Variants in CTBP2 observed in about 807,000 individuals in gnomAD.
CTBP2 encodes the protein C-terminal binding protein 2.
In CTBP2, 30 loss-of-function variants were observed where a neutral mutation model predicts 80.3. The observed-to-expected ratio is 0.37, with a 90% confidence interval of 0.28 to 0.51. CTBP2 has a LOEUF of 0.51. Among genes scored for constraint, CTBP2 ranks in the 20% least tolerant of loss-of-function variants. The probability of loss-of-function intolerance (pLI) is 0.93; values close to 1 mark genes in which losing one functional copy is unlikely to be tolerated. For missense variants in CTBP2, 1,212 were observed against 1,375.3 expected (o/e 0.88, Z 1.88); for synonymous variants, 594 against 587.4 (o/e 1.01, Z -0.16).
intron 1 of CTBP2, among the ~76,000 whole-genome samples, chr10:125,142,502 T>C (rs1473315199): frequency 6.6e-6 from 1 of 152,106 alleles, no homozygotes; most frequent in East Asian, 1.9e-4. Flanking sequence ...AGGAACTCCA[T>C]AGGAGCACAG....
chr10:125,069,104 G>C (rs1304428690), intron 2 of CTBP2, among the ~76,000 whole-genome samples: 1 of 152,112 alleles, frequency 6.6e-6, no homozygotes. Context: ...CCTCTTCCAG[G>C]GGCCTTTCTC....
At chr10:125,134,137 A>C (rs577706867) in intron 1 of CTBP2, among the ~76,000 whole-genome samples, 1 of 152,354 alleles carries the variant, frequency 6.6e-6, no homozygotes, top group East Asian at 1.9e-4. Context: ...CTGTTCTGAA[A>C]ATGCAAATAT....
At chr10:125,084,333 GA>G (rs1847650027) in intron 2 of CTBP2, among the ~76,000 whole-genome samples, 1 of 152,206 alleles carries the variant, frequency 6.6e-6, no homozygotes, top group South Asian at 2.1e-4. Flanking sequence ...GCTGCACGGA[GA>G]ACGGTCCAGT....
At position 124,992,832 on chromosome 10, in the gene CTBP2, A is replaced by T; in HGVS notation, c.2660-20T>A. ...TGCGACCTAGGGTAAGATGATTAAA[A>T]TTAATCATATTATTTTTACAAATCA... On this transcript the variant is annotated intron_variant, in intron 7 of 8. Transcript: ENST00000309035. 1 of 1,530,220 alleles carries T rather than the reference A, an allele frequency of 6.5e-7. No individual in the cohort carries two copies. Among genetic ancestry groups the T allele is most frequent in the Non-Finnish European group, 9.0e-7 (1 of 1,110,084 alleles). 94.8% of individuals were successfully genotyped at this position (1,530,220 alleles called of 1,614,324 possible).
At chr10:125,094,727 C>G (rs768360250) in intron 2 of CTBP2, among the ~76,000 whole-genome samples, 19 of 152,010 alleles carry the variant, frequency 1.2e-4, no homozygotes, top group African/African-American at 2.9e-4. Flanking sequence ...GACAGCCCCC[C>G]ACAATGAAGA....
intron 1 of CTBP2, among the ~76,000 whole-genome samples, chr10:125,123,307 G>T (rs1173285069): frequency 6.6e-6 from 1 of 152,146 alleles, no homozygotes; most frequent in Admixed American, 6.5e-5. Context: ...ATGAGTGCAT[G>T]TTACACTAGG....
At chr10:125,123,765 A>C (rs887317012) in intron 1 of CTBP2, among the ~76,000 whole-genome samples, 29 of 152,232 alleles carry the variant, frequency 1.9e-4, no homozygotes, top group Admixed American at 1.4e-3. Flanking sequence ...TGGAGCTGGC[A>C]GAGATGCTCG....
chr10:125,152,520 C>A (rs1467401012), intron 1 of CTBP2, among the ~76,000 whole-genome samples: 1 of 152,232 alleles, frequency 6.6e-6, no homozygotes, highest in African/African-American at 2.4e-5. Context: ...GGAGGCAATT[C>A]AATATTTCTT....
At chr10:125,070,967 A>G (rs1295058443) in intron 2 of CTBP2, among the ~76,000 whole-genome samples, 1 of 152,236 alleles carries the variant, frequency 6.6e-6, no homozygotes, top group African/African-American at 2.4e-5. Context: ...TAACCAAAGA[A>G]AAAAAGAAAA....
chr10:125,012,595 T>A (rs2134423986), intron 1 of CTBP2, among the ~76,000 whole-genome samples: 1 of 152,328 alleles, frequency 6.6e-6, no homozygotes, highest in East Asian at 1.9e-4. Context: ...CCTCCAAGCC[T>A]CTGTGGAAGA....
intron 3 of CTBP2, among the ~76,000 whole-genome samples, chr10:125,038,449 G>A (rs1364948003): frequency 6.6e-6 from 1 of 152,182 alleles, no homozygotes; most frequent in Non-Finnish European, 1.5e-5. Context: ...AGAGCGCAGT[G>A]CTTAATCAAC....
chr10:125,095,016 G>A (rs1190104829), intron 2 of CTBP2, among the ~76,000 whole-genome samples: 1 of 152,070 alleles, frequency 6.6e-6, no homozygotes, highest in Non-Finnish European at 1.5e-5. Flanking sequence ...GCTGGGTGGC[G>A]CTGTCCTGCG....
rs142500031 is a variant in CTBP2 at position 125,153,753 on chromosome 10, G to A, written c.-206+6566C>T. Among the ~76,000 whole-genome samples the A allele has an allele frequency of 1.5e-3, 223 of 152,366 alleles. 1 individual carries two copies. The highest frequency in any genetic ancestry group is 5.2e-3 in the African/African-American group (216 of 41,594). On this transcript the variant is annotated intron_variant, in intron 1 of 10. Transcript: ENST00000337195. Reference sequence around the variant, plus strand: ...AAAAGAAAAGCCCCATTAGGCCAGAGGAGTTGATCTCCCTCCACGGTCTAG... The same window carrying A: ...AAAAGAAAAGCCCCATTAGGCCAGAAGAGTTGATCTCCCTCCACGGTCTAG...
At chr10:125,088,032 A>C (rs1848250985) in intron 2 of CTBP2, among the ~76,000 whole-genome samples, 1 of 152,160 alleles carries the variant, frequency 6.6e-6, no homozygotes, top group African/African-American at 2.4e-5. Context: ...CAAATGGTCA[A>C]GGCACAGCTC....
intron 1 of CTBP2, among the ~76,000 whole-genome samples, chr10:125,012,475 C>T (rs1463616653): frequency 1.3e-5 from 2 of 152,178 alleles, no homozygotes; most frequent in Admixed American, 6.5e-5. Context: ...TGGAATCTTC[C>T]AGGAGGACTG....
At position 125,090,228 on chromosome 10, in the gene CTBP2, C is replaced by T. The variant is rs1417167979; in HGVS notation, c.-102+20762G>A. Among the ~76,000 whole-genome samples the T allele has an allele frequency of 2.9e-5, 4 of 138,256 alleles. No homozygotes were observed. In the East Asian group the frequency reaches 6.2e-4, roughly 21 times the overall value. The allele number at this position is 138,256 out of a possible 152,430, so 90.7% of individuals were successfully genotyped here. On this transcript the variant is annotated intron_variant, in intron 2 of 10. Coordinates refer to the CTBP2 transcript ENST00000337195. The stretch of plus-strand genomic sequence containing the variant: ...CCAGTACTTTAATAGGAAGAGGCTG[C>T]GGTGAGCCGAGATCATGCCACTGTA...
intron 2 of CTBP2, among the ~76,000 whole-genome samples, chr10:125,043,207 C>G (rs1960336407): frequency 6.6e-6 from 1 of 152,198 alleles, no homozygotes; most frequent in African/African-American, 2.4e-5. Context: ...TTTACAAACC[C>G]TTGCTTGGCT....
upstream of CTBP2, among the ~76,000 whole-genome samples, chr10:125,028,786 G>A (rs866393374): frequency 6.6e-6 from 1 of 152,194 alleles, no homozygotes. Context: ...CTTCCTTTAG[G>A]TATGTCAGGA....
At chr10:125,033,747 T>C (rs1312855113) in intron 3 of CTBP2, among the ~76,000 whole-genome samples, 1 of 151,346 alleles carries the variant, frequency 6.6e-6, no homozygotes, top group Non-Finnish European at 1.5e-5. Context: ...GGCCTGAAAC[T>C]AGAGATGCTC....
Sources: allele counts gnomAD v4.1 joint callset (sites outside exome capture counted in the v4.1 genomes callset), GRCh38; gene constraint gnomAD v4.1.1; transcripts MANE v1.5; gene names NCBI Gene and HGNC (gene_info 2026-07-23, HGNC 2026-07-21).